Variants in VGLL4 observed in about 807,000 individuals in gnomAD.
VGLL4 encodes vestigial like family member 4.
VGLL4 carries 7 observed loss-of-function variants against 21.0 expected under a neutral mutation model. The ratio of observed to expected loss-of-function variants is 0.33; its 90% CI spans 0.19 to 0.63. The LOEUF (loss-of-function observed/expected upper bound fraction) is 0.63, where lower values mean the gene tolerates loss of function less well. VGLL4 is among the 20% of genes least tolerant of loss of function. The pLI, the probability that VGLL4 is intolerant of heterozygous loss-of-function variation, is 0.78. For missense variants in VGLL4, 394 were observed against 425.7 expected (o/e 0.93, Z 0.66); for synonymous variants, 222 against 173.2 (o/e 1.28, Z -2.21).
At chr3:11,558,918 C>G in intron 4 of VGLL4, 91 bp from the exon 5 acceptor site, 2 of 1,464,890 alleles carry the variant, frequency 1.4e-6, no homozygotes, top group South Asian at 1.3e-5. Flanking sequence ...CAGCCCAGAG[C>G]CGGACTGGCT....
intron 1 of VGLL4, among the ~76,000 whole-genome samples, chr3:11,713,283 C>G (rs954363032): frequency 3.9e-5 from 6 of 152,110 alleles, no homozygotes; most frequent in African/African-American, 1.4e-4. Context: ...TCAAAATATT[C>G]TCTCAATAGT....
chr3:11,564,688 A>ACCTC (rs1295120435), intron 3 of VGLL4, 109 bp downstream of exon 3: 36 of 1,328,048 alleles, frequency 2.7e-5, no homozygotes, highest in South Asian at 6.5e-5. Context: ...CTCCCTCACC[A>ACCTC]CCTCCCTCCC....
intron 2 of VGLL4, among the ~76,000 whole-genome samples, chr3:11,591,032 C>G (rs1306776840): frequency 6.6e-6 from 1 of 152,146 alleles, no homozygotes; most frequent in Non-Finnish European, 1.5e-5. Context: ...AGGTCACAGG[C>G]AATGTCGAGG....
chr3:11,571,936 G>C lies in VGLL4; in HGVS notation c.273-6917C>G, dbSNP rs537270254. The stretch of plus-strand genomic sequence containing the variant: ...AGCCTGGGAAACATGGCAAAACCCT[G>C]TCTCTACTAAAAATACAAAAATTAT... On this transcript the variant is annotated intron_variant, in intron 2 of 4. Coordinates refer to ENST00000430365, the MANE Select transcript of VGLL4 (RefSeq NM_001128219.3). Among the ~76,000 whole-genome samples the C allele has an allele frequency of 1.8e-3, 275 of 152,244 alleles. 2 individuals are homozygous for C. The highest frequency in any genetic ancestry group is 2.8e-4 in the Non-Finnish European group (19 of 68,020).
intron 1 of VGLL4, among the ~76,000 whole-genome samples, chr3:11,639,979 A>G (rs1559917446): frequency 6.6e-6 from 1 of 152,224 alleles, no homozygotes; most frequent in East Asian, 1.9e-4. Flanking sequence ...AACTTTCTAA[A>G]TAAACTAAAT....
At chr3:11,575,740 C>T (rs2074019623) in intron 2 of VGLL4, among the ~76,000 whole-genome samples, 1 of 152,232 alleles carries the variant, frequency 6.6e-6, no homozygotes, top group Non-Finnish European at 1.5e-5. Context: ...GCCCAAAAAG[C>T]CAGGTGGCTG....
At chr3:11,558,889 TGCAGCACCCTCCCTCAG>T in intron 4 of VGLL4, 62 bp from the exon 5 acceptor site, 1 of 1,572,624 alleles carries the variant, frequency 6.4e-7, no homozygotes. Context: ...CAGGCACGGT[TGCAGCACCCTCCCTCAG>T]GCAGCCCAGA....
chr3:11,702,724 C>T (rs1178390232), intron 2 of VGLL4: 6 of 219,438 alleles, frequency 2.7e-5, no homozygotes, highest in Non-Finnish European at 5.5e-5. Context: ...ACAGCATGAT[C>T]CCATCTCAAA....
intron 1 of VGLL4, among the ~76,000 whole-genome samples, chr3:11,602,733 T>A (rs1011196861): frequency 2.0e-5 from 3 of 152,252 alleles, no homozygotes; most frequent in African/African-American, 7.2e-5. Flanking sequence ...ACATTTCCAT[T>A]TGATTTGACA....
chr3:11,639,882 A>G (rs190188760), intron 1 of VGLL4, among the ~76,000 whole-genome samples: 2 of 151,694 alleles, frequency 1.3e-5, no homozygotes, highest in Admixed American at 1.3e-4. Flanking sequence ...TCTCAAAAGA[A>G]AAAAAAAAGA....
chr3:11,645,450 C>A (rs866823442), upstream of VGLL4, among the ~76,000 whole-genome samples: 1 of 143,390 alleles, frequency 7.0e-6, no homozygotes, highest in African/African-American at 2.6e-5. Context: ...ATTAGCCGGG[C>A]GCGGTGGCGG....
At chr3:11,585,362 G>A (rs2074337676) in intron 2 of VGLL4, among the ~76,000 whole-genome samples, 1 of 151,704 alleles carries the variant, frequency 6.6e-6, no homozygotes, top group Non-Finnish European at 1.5e-5. Context: ...GAACCTAGGA[G>A]GCAGAGGTTG....
At chr3:11,602,081 C>T (rs2074817242) in intron 1 of VGLL4, 59 bp from the exon 2 acceptor site, 1 of 1,419,656 alleles carries the variant, frequency 7.0e-7, no homozygotes, top group African/African-American at 1.5e-5. Flanking sequence ...TCTCAGTCCC[C>T]CAGGCTCCCC....
At chr3:11,561,891 CTTTTTTTTTTTTTTTT>C (rs35380668) in intron 3 of VGLL4, among the ~76,000 whole-genome samples, 2 of 88,590 alleles carry the variant, frequency 2.3e-5, no homozygotes, top group East Asian at 3.8e-4. Flanking sequence ...CTGCGCCAAA[CTTTTTTTTTTTTTTTT>C]TTTTTTTTTA....
At chr3:11,680,437 C>T (rs1475634133) in intron 2 of VGLL4, among the ~76,000 whole-genome samples, 1 of 152,148 alleles carries the variant, frequency 6.6e-6, no homozygotes, top group Non-Finnish European at 1.5e-5. Context: ...CACAAAGATA[C>T]TCTGGAAGGT....
At chr3:11,661,089 C>T (rs138132200) in intron 2 of VGLL4, among the ~76,000 whole-genome samples, 38 of 152,258 alleles carry the variant, frequency 2.5e-4, no homozygotes, top group African/African-American at 8.9e-4. Flanking sequence ...AAAGTGTGAG[C>T]AGCAGTCAAA....
chr3:11,638,056 A>T (rs181643507), intron 1 of VGLL4, among the ~76,000 whole-genome samples: 1 of 152,350 alleles, frequency 6.6e-6, no homozygotes, highest in Admixed American at 6.5e-5. Flanking sequence ...TACATGCGTA[A>T]GTGCTAAATC....
chr3:11,606,090 C>T (rs9830756), intron 1 of VGLL4, among the ~76,000 whole-genome samples: 4,041 of 152,150 alleles, frequency 0.027, 202 homozygotes, highest in African/African-American at 0.091. Context: ...CTCACAATCA[C>T]GGAGGAAGCC....
intron 2 of VGLL4, among the ~76,000 whole-genome samples, chr3:11,664,403 A>G (rs1196173731): frequency 6.6e-6 from 1 of 152,202 alleles, no homozygotes; most frequent in Non-Finnish European, 1.5e-5. Context: ...TCTGGTTTCA[A>G]GTCTACCTCT....
Sources: gnomAD v4.1 joint callset for allele counts (sites outside exome capture counted in the v4.1 genomes callset) on GRCh38, gnomAD v4.1.1 for gene constraint, MANE v1.5 for transcripts, NCBI Gene and HGNC (gene_info 2026-07-23, HGNC 2026-07-21) for gene names.